CNOT4: variants seen among roughly 807,000 people sequenced by gnomAD.
CNOT4 encodes the protein CCR4-NOT transcription complex subunit 4, also known as CCR4-associated factor 4.
CNOT4 carries 8 observed loss-of-function variants against 73.8 expected under a neutral mutation model. The observed-to-expected ratio is 0.11, with a 90% CI of 0.06 to 0.20. The LOEUF (loss-of-function observed/expected upper bound fraction) is 0.20, where lower values mean the gene tolerates loss of function less well. Among genes scored for constraint, CNOT4 ranks in the 10% least tolerant of loss-of-function variants. The pLI, the probability that CNOT4 is intolerant of heterozygous loss-of-function variation, is 1.00. For missense variants in CNOT4, 564 were observed against 883.4 expected, an observed-to-expected ratio of 0.64 and a Z score of 4.58; for synonymous variants, 293 against 321.1, an observed-to-expected ratio of 0.91 and a Z score of 0.94.
chr7:135,480,061 CA>C (rs1802269073), intron 1 of CNOT4, among the ~76,000 whole-genome samples: 6 of 152,088 alleles, frequency 3.9e-5, no homozygotes, highest in South Asian at 4.1e-4. Flanking sequence ...AGATAACTTG[CA>C]AAAAATGCTG....
intron 10 of CNOT4, among the ~76,000 whole-genome samples, chr7:135,393,427 A>G (rs550590335): frequency 4.1e-4 from 63 of 152,322 alleles, no homozygotes; most frequent in South Asian, 2.5e-3. Context: ...GTATATTTAT[A>G]GCTCAGTTTT....
intron 1 of CNOT4, among the ~76,000 whole-genome samples, chr7:135,489,400 T>C (rs1440970179): frequency 2.8e-5 from 4 of 142,514 alleles, no homozygotes; most frequent in Non-Finnish European, 1.5e-5. Flanking sequence ...TCTTTTTTTT[T>C]TTTTTTTTTT....
At chr7:135,420,689 A>G (rs1185940477) in intron 3 of CNOT4, among the ~76,000 whole-genome samples, 1 of 151,938 alleles carries the variant, frequency 6.6e-6, no homozygotes. Flanking sequence ...CTGTGGTTAG[A>G]AAAAAGGTAG....
At chr7:135,484,127 G>A (rs866978694) in intron 1 of CNOT4, among the ~76,000 whole-genome samples, 1 of 152,048 alleles carries the variant, frequency 6.6e-6, no homozygotes, top group African/African-American at 2.4e-5. Context: ...CCTGGGAGGC[G>A]AAGGTAGCAG....
chr7:135,474,277 T>A (rs1801843989), intron 1 of CNOT4, among the ~76,000 whole-genome samples: 2 of 60,228 alleles, frequency 3.3e-5, no homozygotes, highest in South Asian at 5.0e-4. Context: ...TGTGCCCAAA[T>A]TTTTTTTTTT....
intron 1 of CNOT4, among the ~76,000 whole-genome samples, chr7:135,497,866 T>A (rs1803691655): frequency 6.6e-6 from 1 of 152,234 alleles, no homozygotes. Context: ...AAATATATGT[T>A]TAGTACTTAG....
intron 3 of CNOT4, among the ~76,000 whole-genome samples, chr7:135,416,918 C>A (rs746046931): frequency 1.3e-5 from 2 of 152,142 alleles, no homozygotes; most frequent in Non-Finnish European, 2.9e-5. Flanking sequence ...GAATGCCCTG[C>A]AAGACATGCC....
At chr7:135,465,280 C>T (rs973467871) in intron 1 of CNOT4, among the ~76,000 whole-genome samples, 3 of 152,140 alleles carry the variant, frequency 2.0e-5, no homozygotes, top group African/African-American at 4.8e-5. Context: ...TGGATCTCCC[C>T]TTGGAATCTT....
chr7:135,485,422 G>A (rs535017906), intron 1 of CNOT4, among the ~76,000 whole-genome samples: 15 of 152,178 alleles, frequency 9.9e-5, no homozygotes, highest in African/African-American at 3.6e-4. Context: ...TATATGGAAA[G>A]GAAAAGTCCT....
chr7:135,489,388 T>A (rs1374147877), intron 1 of CNOT4, among the ~76,000 whole-genome samples: 1 of 145,712 alleles, frequency 6.9e-6, no homozygotes, highest in African/African-American at 2.6e-5. Flanking sequence ...ACTAGTCACA[T>A]TTCTTTTTTT....
intron 1 of CNOT4, among the ~76,000 whole-genome samples, chr7:135,454,888 A>C (rs1029723273): frequency 2.0e-5 from 3 of 152,156 alleles, no homozygotes; most frequent in Non-Finnish European, 4.4e-5. Context: ...TCTCAAAATA[A>C]AATAAAATAG....
intron 1 of CNOT4, among the ~76,000 whole-genome samples, chr7:135,468,710 C>A (rs1301522256): frequency 1.3e-5 from 2 of 150,922 alleles, no homozygotes; most frequent in Admixed American, 1.3e-4. Context: ...AAAATTTACA[C>A]ATCTATTCCT....
At chr7:135,382,435 G>A (rs533674844) in intron 10 of CNOT4, among the ~76,000 whole-genome samples, 2 of 152,266 alleles carry the variant, frequency 1.3e-5, no homozygotes, top group African/African-American at 2.4e-5. Context: ...TAGTATTCTT[G>A]AGCAATGATT....
intron 1 of CNOT4, among the ~76,000 whole-genome samples, chr7:135,488,579 C>T (rs1259573906): frequency 2.0e-5 from 3 of 152,066 alleles, no homozygotes. Flanking sequence ...TAAAAATGTA[C>T]AAAATGTGTG....
chr7:135,432,208 T>C (rs1006161194), intron 2 of CNOT4, among the ~76,000 whole-genome samples: 4 of 152,270 alleles, frequency 2.6e-5, no homozygotes, highest in African/African-American at 9.6e-5. Context: ...TTATGGGCAA[T>C]TGACTTTCAG....
chr7:135,487,384 C>T (rs528197642), intron 1 of CNOT4, among the ~76,000 whole-genome samples: 174 of 151,970 alleles, frequency 1.1e-3, no homozygotes, highest in African/African-American at 3.8e-3. Context: ...GTGGTATACA[C>T]CACCACACCC....
chr7:135,376,710 T>C (rs1795539936), intron 10 of CNOT4, among the ~76,000 whole-genome samples: 2 of 152,238 alleles, frequency 1.3e-5, no homozygotes, highest in Admixed American at 6.5e-5. Flanking sequence ...TTTATTTCAA[T>C]AGTAAAGATC....
chr7:135,387,572 TA>T, intron 10 of CNOT4: 5 of 975,654 alleles, frequency 5.1e-6, no homozygotes, highest in Non-Finnish European at 6.1e-6. Context: ...TTTAACAAAT[TA>T]AAGCATACCT....
chr7:135,370,312 T>G (rs1795126547), intron 10 of CNOT4, among the ~76,000 whole-genome samples: 1 of 152,176 alleles, frequency 6.6e-6, no homozygotes, highest in Non-Finnish European at 1.5e-5. Context: ...GCAATATTTG[T>G]TTATACTAGT....
Sources: allele counts gnomAD v4.1 joint callset (sites outside exome capture counted in the v4.1 genomes callset), GRCh38; gene constraint gnomAD v4.1.1; transcripts MANE v1.5; gene names NCBI Gene and HGNC (gene_info 2026-07-23, HGNC 2026-07-21).